Variants in SLC39A14 observed in about 807,000 individuals in gnomAD.
SLC39A14 encodes the protein metal cation symporter ZIP14.
A neutral mutation model predicts 45.5 loss-of-function variants in SLC39A14; 19 were observed. The ratio of observed to expected loss-of-function variants is 0.42; its 90% CI spans 0.29 to 0.61. The LOEUF is 0.61. SLC39A14 is among the 20% of genes least tolerant of loss of function. The pLI is 0.22. For synonymous variants in SLC39A14, 264 were observed against 251.3 expected, an observed-to-expected ratio of 1.05 and a Z score of -0.48; for missense variants, 447 against 616.5, an observed-to-expected ratio of 0.73 and a Z score of 2.91.
chr8:22,394,207 A>G (rs796150816), intron 1 of SLC39A14, among the ~76,000 whole-genome samples: 12 of 149,956 alleles, frequency 8.0e-5, no homozygotes, highest in African/African-American at 3.0e-4. Flanking sequence ...GGGTTTCACC[A>G]TGTTGGCCAG....
downstream of SLC39A14, among the ~76,000 whole-genome samples, chr8:22,425,894 T>TGTTTG (rs1396276736): frequency 1.5e-5 from 2 of 135,804 alleles, no homozygotes; most frequent in African/African-American, 5.1e-5. Flanking sequence ...TTTTTGTTTT[T>TGTTTG]TTTTTGTTTT....
chr8:22,407,367 T>C (rs1188157726), intron 2 of SLC39A14, among the ~76,000 whole-genome samples: 4 of 152,138 alleles, frequency 2.6e-5, no homozygotes, highest in African/African-American at 9.7e-5. Flanking sequence ...TTCTTTCTCT[T>C]TTGTTTTGTG....
chr8:22,415,872 T>C lies in SLC39A14; in HGVS notation c.854T>C (p.Met285Thr), dbSNP rs1015867563. 6.2e-7 allele frequency: 1 copy of C among 1,612,986 alleles called. No individual in the cohort carries two copies. Among genetic ancestry groups the C allele is most frequent in the South Asian group, 1.1e-5 (1 of 90,926 alleles). ...CTGCAGAACGGGGACCTGGACCACA[T>C]GATTCCTCAGCACTGCAGCAGTGAG... is the stretch of plus-strand genomic sequence containing the variant. ...EKLQNGDLDH[M>T]IPQHCSSELD... is the part of the protein sequence containing the mutation. The change falls in exon 6 of 9, where the codon ATG becomes ACG. Residue 285 changes from methionine to threonine, a missense_variant. By Grantham distance (81) the Met-to-Thr change is moderately conservative. This residue lies in a region of SLC39A14 where 342 missense variants were observed against 428.1 expected (regional missense o/e 0.80). Transcript: ENST00000381237.
intron 1 of SLC39A14, among the ~76,000 whole-genome samples, chr8:22,369,095 G>A (rs1476384290): frequency 6.6e-6 from 1 of 152,146 alleles, no homozygotes. Flanking sequence ...CATTACCTGT[G>A]TGGTAGCCAG....
At chr8:22,412,627 G>GT (rs1835642311) in intron 4 of SLC39A14, among the ~76,000 whole-genome samples, 2 of 152,246 alleles carry the variant, frequency 1.3e-5, no homozygotes, top group Admixed American at 6.5e-5. Flanking sequence ...CTCAGATTAA[G>GT]GCTTTGGGTG....
At chr8:22,431,284 G>T (rs1306470040) in intron 8 of SLC39A14, among the ~76,000 whole-genome samples, 1 of 152,120 alleles carries the variant, frequency 6.6e-6, no homozygotes, top group South Asian at 2.1e-4. Flanking sequence ...ACCGTGCCTG[G>T]CCTATATAGT....
chr8:22,368,661 C>A (rs1316820795), intron 1 of SLC39A14, among the ~76,000 whole-genome samples: 1 of 152,032 alleles, frequency 6.6e-6, no homozygotes. Flanking sequence ...CTCAGCCTCC[C>A]GAGTAGCTGG....
downstream of SLC39A14, among the ~76,000 whole-genome samples, chr8:22,423,786 T>TTCTCTCTCTCTCTC (rs58420252): frequency 4.9e-3 from 594 of 122,246 alleles, 15 homozygotes; most frequent in African/African-American, 0.012. Context: ...TTTAATTGGT[T>TTCTCTCTCTCTCTC]TCTCTCTCTC....
At chr8:22,391,768 C>T (rs1049234135) in intron 1 of SLC39A14, among the ~76,000 whole-genome samples, 11 of 152,148 alleles carry the variant, frequency 7.2e-5, no homozygotes, top group African/African-American at 2.7e-4. Context: ...CGGGGTTTCA[C>T]CACTTTGGCC....
chr8:22,417,570 C>T, intron 7 of SLC39A14, 81 bp from the exon 8 acceptor site: 1 of 1,212,590 alleles, frequency 8.2e-7, no homozygotes, highest in South Asian at 1.4e-5. Flanking sequence ...TCCTGAGTAG[C>T]TGGGATGACA....
chr8:22,420,069 G>C lies in SLC39A14; in HGVS notation c.*371G>C, dbSNP rs1836138288. ...CAACAATGCAAAAATAGAGCCAATGGTTATAACTTGGCTAGAAATATCAAG... is the reference window on the plus strand; with the variant it reads ...CAACAATGCAAAAATAGAGCCAATGCTTATAACTTGGCTAGAAATATCAAG... On this transcript the variant is annotated 3_prime_UTR_variant, in exon 9 of 9. Transcript: ENST00000381237. The C allele has an allele frequency of 1.0e-6, 1 of 1,000,820 alleles. No homozygotes were observed. The highest frequency in any genetic ancestry group is 5.7e-5 in the Admixed American group (1 of 17,502). 62.0% of individuals were successfully genotyped at this position (1,000,820 alleles called of 1,614,324 possible).
rs1447723524 is a variant in SLC39A14 at position 22,421,417 on chromosome 8, A to G, written c.*1719A>G. 1.0e-6 allele frequency: 1 copy of G among 985,732 alleles called. No homozygotes were observed. Among genetic ancestry groups the G allele is most frequent in the African/African-American group, 1.7e-5 (1 of 57,244 alleles). The allele number at this position is 985,732 out of a possible 1,614,324, so 61.1% of individuals were successfully genotyped here. On this transcript the variant is annotated 3_prime_UTR_variant, in exon 9 of 9. Coordinates refer to ENST00000381237, the MANE Select transcript of SLC39A14 (RefSeq NM_001128431.4). ...TGTTTTTATCTTGCCTGTTGGCTTCAATACATTTGAGAATACGCTGAAGAG... is the reference window on the plus strand; with the variant it reads ...TGTTTTTATCTTGCCTGTTGGCTTCGATACATTTGAGAATACGCTGAAGAG...
chr8:22,412,005 T>C, intron 3 of SLC39A14, 32 bp from the exon 4 acceptor site: 1 of 1,540,600 alleles, frequency 6.5e-7, no homozygotes, highest in South Asian at 1.2e-5. Flanking sequence ...CTCCCTGCCC[T>C]GGGTGGGGCT....
At chr8:22,386,564 C>T (rs1024857040) in intron 1 of SLC39A14, among the ~76,000 whole-genome samples, 1 of 152,132 alleles carries the variant, frequency 6.6e-6, no homozygotes, top group Non-Finnish European at 1.5e-5. Context: ...ACCGTGCCCA[C>T]CCCAGATGAC....
intron 1 of SLC39A14, among the ~76,000 whole-genome samples, chr8:22,390,975 A>T (rs1290413704): frequency 6.6e-6 from 1 of 152,142 alleles, no homozygotes; most frequent in Non-Finnish European, 1.5e-5. Context: ...TGGCAAGGAC[A>T]GTGTGGTTCT....
intron 4 of SLC39A14, 130 bp from the exon 5 acceptor site, chr8:22,414,650 T>C: frequency 1.1e-6 from 1 of 936,284 alleles, no homozygotes; most frequent in Non-Finnish European, 1.6e-6. Flanking sequence ...AGAGGATGGG[T>C]AGACGGCAGA....
chr8:22,422,810 AT>A, downstream of SLC39A14: 2 of 640,096 alleles, frequency 3.1e-6, no homozygotes, highest in Non-Finnish European at 3.8e-6. Flanking sequence ...TTTGACTGGG[AT>A]TTTAGAAGGT....
chr8:22,385,288 G>T (rs771715202), intron 1 of SLC39A14, among the ~76,000 whole-genome samples: 15 of 152,128 alleles, frequency 9.9e-5, no homozygotes, highest in Admixed American at 2.0e-4. Flanking sequence ...TGGGCAGTGG[G>T]AAAGTAACAT....
At chr8:22,407,983 C>T (rs1835327820) in intron 2 of SLC39A14, among the ~76,000 whole-genome samples, 1 of 152,224 alleles carries the variant, frequency 6.6e-6, no homozygotes, top group Non-Finnish European at 1.5e-5. Context: ...GCTGGGATTA[C>T]AGTGTTAGCC....
Sources: allele counts gnomAD v4.1 joint callset (sites outside exome capture counted in the v4.1 genomes callset), GRCh38; gene constraint gnomAD v4.1.1; regional missense constraint gnomAD v4.1.1; transcripts MANE v1.5; gene names NCBI Gene and HGNC (gene_info 2026-07-23, HGNC 2026-07-21).